FRG1: variants seen among roughly 807,000 people sequenced by gnomAD.
FRG1 encodes protein FRG1.
A neutral mutation model predicts 37.0 loss-of-function variants in FRG1; 19 were observed. The observed-to-expected ratio is 0.51, with a 90% CI of 0.36 to 0.75. FRG1 has a LOEUF of 0.75. Among genes scored for constraint, FRG1 ranks in the 30% least tolerant of loss-of-function variants. FRG1 has a pLI of 0.00. For synonymous variants in FRG1, 73 were observed against 96.5 expected (o/e 0.76, Z 1.43); for missense variants, 243 against 301.4 (o/e 0.81, Z 1.44).
chr4:189,947,233 T>C (rs1202558471), intron 2 of FRG1, among the ~76,000 whole-genome samples: 2 of 152,254 alleles, frequency 1.3e-5, no homozygotes, highest in Non-Finnish European at 2.9e-5. Flanking sequence ...TTACTAATGC[T>C]ACAGTGTATT....
At position 189,946,196 on chromosome 4, in the gene FRG1, G is replaced by A. The variant is rs374372680; in HGVS notation, c.133+2924G>A. Among the ~76,000 whole-genome samples, 141 of 151,198 alleles carry A rather than the reference G, an allele frequency of 9.3e-4. 1 individual carries two copies. Among genetic ancestry groups the A allele is most frequent in the African/African-American group, 3.3e-3 (136 of 41,268 alleles). ...TTTACAAGATCATTTATTTTAGATC[G>A]TTAATGATCGTTTAGTACAGGTGTA... is the stretch of plus-strand genomic sequence containing the variant. On this transcript the variant is annotated intron_variant, in intron 2 of 8. Coordinates refer to ENST00000226798, the MANE Select transcript of FRG1 (RefSeq NM_004477.3).
At chr4:189,950,886 G>A (rs1736724184) in intron 2 of FRG1, among the ~76,000 whole-genome samples, 1 of 151,870 alleles carries the variant, frequency 6.6e-6, no homozygotes, top group South Asian at 2.1e-4. Flanking sequence ...ATTTCTTAAC[G>A]TGGTATGTCT....
Position 189,940,980 on chromosome 4 carries a change from A to C in FRG1, c.-30A>C, listed in dbSNP as rs763802708. 1 of 1,600,278 alleles carries C rather than the reference A, an allele frequency of 6.2e-7. No homozygotes were observed. The highest frequency in any genetic ancestry group is 1.7e-5 in the Admixed American group (1 of 59,940). On this transcript the variant is annotated 5_prime_UTR_variant, in exon 1 of 9. Coordinates refer to ENST00000226798, the MANE Select transcript of FRG1 (RefSeq NM_004477.3). The stretch of plus-strand genomic sequence containing the variant: ...CACATACTCGTCCAGAACCGGCCTC[A>C]GCCTCTCCGCGCAGAAGTTTCCCGG...
chr4:189,961,554 C>T (rs1327724663), intron 7 of FRG1: 12 of 221,762 alleles, frequency 5.4e-5, no homozygotes, highest in African/African-American at 1.2e-4. Flanking sequence ...ACTACAGGCG[C>T]GTGCCACTAT....
At chr4:189,948,880 TG>T (rs1736640224) in intron 2 of FRG1, among the ~76,000 whole-genome samples, 1 of 152,246 alleles carries the variant, frequency 6.6e-6, no homozygotes, top group Non-Finnish European at 1.5e-5. Flanking sequence ...TTTGTAGAGA[TG>T]GGGGTCTCCT....
At chr4:189,945,333 A>T (rs1736479502) in intron 2 of FRG1, among the ~76,000 whole-genome samples, 2 of 152,174 alleles carry the variant, frequency 1.3e-5, no homozygotes, top group Admixed American at 6.5e-5. Context: ...CATTGCTCTC[A>T]AGCTTAGGCA....
rs1412507412 is a variant in FRG1 at position 189,940,947 on chromosome 4, C to G, written c.-63C>G. The stretch of plus-strand genomic sequence containing the variant: ...TCTGTTTCTCCGCGCCCCTGTGCTG[C>G]CCCGACTCACATACTCGTCCAGAAC... On this transcript the variant is annotated 5_prime_UTR_variant, in exon 1 of 9. Transcript: ENST00000226798. The G allele has an allele frequency of 7.3e-7, 1 of 1,360,634 alleles. No individual in the cohort carries two copies. Among genetic ancestry groups the G allele is most frequent in the African/African-American group, 1.5e-5 (1 of 66,728 alleles). The allele number at this position is 1,360,634 out of a possible 1,614,324, so 84.3% of individuals were successfully genotyped here. A position where few individuals can be genotyped will look rare whatever the true frequency, so the allele number is the denominator to read the frequency against.
chr4:189,956,420 C>T (rs1241933753), intron 5 of FRG1, among the ~76,000 whole-genome samples: 3 of 152,052 alleles, frequency 2.0e-5, no homozygotes, highest in Non-Finnish European at 2.9e-5. Context: ...TAGGAAAGTT[C>T]GTTTCATTTT....
Position 189,950,042 on chromosome 4 carries a change from T to TTTTG in FRG1, c.134-2104_134-2101dup, listed in dbSNP as rs200767445. Among the ~76,000 whole-genome samples, 1,412 of 152,258 alleles carry TTTTG rather than the reference T, an allele frequency of 9.3e-3. 29 individuals carry two copies. Among genetic ancestry groups the TTTTG allele is most frequent in the African/African-American group, 0.032 (1,328 of 41,538 alleles). ...TTTTCTGGCTTTCTTGGTTTCTGTT[T>TTTTG]TTTGTTTGTTTGTTTGTTTTGATAA... is the stretch of plus-strand genomic sequence containing the variant. On this transcript the variant is annotated intron_variant, in intron 2 of 8. Transcript: ENST00000226798.
At chr4:189,947,047 G>T (rs1386045529) in intron 2 of FRG1, among the ~76,000 whole-genome samples, 1 of 152,156 alleles carries the variant, frequency 6.6e-6, no homozygotes, top group Non-Finnish European at 1.5e-5. Context: ...GTAGAGACAG[G>T]GTTTCACCAC....
In FRG1 at chr4:189,941,963, T is replaced by C; in HGVS notation, c.62+892T>C. ...GAAGCCACTGGCCTTGAGAACCCTC[T>C]CGAGGAGTCTGGCCTCATGAAGATG... On this transcript the variant is annotated intron_variant, in intron 1 of 8. Transcript: ENST00000226798. The C allele has an allele frequency of 5.9e-6, 2 of 338,268 alleles. 1 individual carries two copies. The highest frequency in any genetic ancestry group is 4.5e-5 in the South Asian group (2 of 44,866). 21.0% of individuals were successfully genotyped at this position (338,268 alleles called of 1,614,324 possible). A position where few individuals can be genotyped will look rare whatever the true frequency, so the allele number is the denominator to read the frequency against.
chr4:189,955,873 A>G (rs1219832501), intron 5 of FRG1, among the ~76,000 whole-genome samples: 1 of 152,204 alleles, frequency 6.6e-6, no homozygotes, highest in Non-Finnish European at 1.5e-5. Flanking sequence ...AGCAAATAGA[A>G]GATAAGCTTA....
intron 6 of FRG1, among the ~76,000 whole-genome samples, chr4:189,958,885 T>C (rs1013314674): frequency 3.9e-5 from 6 of 152,244 alleles, no homozygotes; most frequent in Admixed American, 2.0e-4. Flanking sequence ...TTCTGTGTCT[T>C]GGCATTCCAT....
chr4:189,957,586 T>C, intron 6 of FRG1, 84 bp downstream of exon 6: 1 of 1,215,362 alleles, frequency 8.2e-7, no homozygotes, highest in Non-Finnish European at 1.2e-6. Flanking sequence ...GGTCATTTAC[T>C]GTCACTTTAA....
At chr4:189,949,052 G>A (rs1736648195) in intron 2 of FRG1, among the ~76,000 whole-genome samples, 1 of 152,096 alleles carries the variant, frequency 6.6e-6, no homozygotes, top group Admixed American at 6.5e-5. Flanking sequence ...AACACAGCAG[G>A]AATATTTCAC....
At chr4:189,959,050 C>T (rs1250187963) in intron 6 of FRG1, among the ~76,000 whole-genome samples, 3 of 152,152 alleles carry the variant, frequency 2.0e-5, no homozygotes, top group African/African-American at 2.4e-5. Context: ...AAATGCCCTT[C>T]GTTCTTATAA....
At chr4:189,943,323 A>T in intron 2 of FRG1, 51 bp downstream of exon 2, 2 of 1,571,818 alleles carry the variant, frequency 1.3e-6, no homozygotes, top group Non-Finnish European at 8.6e-7. Context: ...GTTTCTTGAG[A>T]TCTCCTTGAA....
chr4:189,945,558 CT>C (rs888700225), intron 2 of FRG1, among the ~76,000 whole-genome samples: 24 of 152,236 alleles, frequency 1.6e-4, no homozygotes, highest in African/African-American at 5.8e-4. Context: ...TCATTTTCAA[CT>C]TTTAAACTAA....
intron 2 of FRG1, among the ~76,000 whole-genome samples, chr4:189,950,497 C>G (rs1736708067): frequency 6.6e-6 from 1 of 152,096 alleles, no homozygotes; most frequent in South Asian, 2.1e-4. Flanking sequence ...CTAACTTTAG[C>G]TCTTACATTT....
Sources: allele counts gnomAD v4.1 joint callset (sites outside exome capture counted in the v4.1 genomes callset), GRCh38; gene constraint gnomAD v4.1.1; transcripts MANE v1.5; gene names NCBI Gene and HGNC (gene_info 2026-07-23, HGNC 2026-07-21).